Variants in PHACTR4 observed in about 807,000 individuals in gnomAD.
PHACTR4 encodes the protein phosphatase and actin regulator 4.
A neutral mutation model predicts 72.7 loss-of-function variants in PHACTR4; 51 were observed. The ratio of observed to expected loss-of-function variants is 0.70; its 90% CI spans 0.56 to 0.89. The LOEUF is 0.89. Among genes scored for constraint, PHACTR4 ranks in the 40% least tolerant of loss-of-function variants. The pLI, the probability that PHACTR4 is intolerant of heterozygous loss-of-function variation, is 0.00. For missense variants in PHACTR4, 731 were observed against 861.8 expected (o/e 0.85, Z 1.90); for synonymous variants, 255 against 302.5 (o/e 0.84, Z 1.63).
chr1:28,389,110 A>G (rs1652800926), intron 1 of PHACTR4, among the ~76,000 whole-genome samples: 1 of 151,614 alleles, frequency 6.6e-6, no homozygotes, highest in Non-Finnish European at 1.5e-5. Flanking sequence ...TGTAAACTAT[A>G]TGTATGATTA....
At chr1:28,461,416 G>C (rs1658799766) in intron 4 of PHACTR4, among the ~76,000 whole-genome samples, 1 of 152,072 alleles carries the variant, frequency 6.6e-6, no homozygotes, top group Non-Finnish European at 1.5e-5. Context: ...ACTCCAGCCT[G>C]GGCAACAGAG....
chr1:28,450,445 T>C (rs1160718518), intron 2 of PHACTR4, among the ~76,000 whole-genome samples: 1 of 152,154 alleles, frequency 6.6e-6, no homozygotes, highest in Non-Finnish European at 1.5e-5. Flanking sequence ...TTTTATAAAA[T>C]CAGATGCTGA....
chr1:28,471,244 G>A (rs1457018084), intron 6 of PHACTR4, among the ~76,000 whole-genome samples: 1 of 152,074 alleles, frequency 6.6e-6, no homozygotes, highest in Admixed American at 6.6e-5. Flanking sequence ...AGCTACTCAG[G>A]AGGCTGAGGT....
chr1:28,386,305 G>T (rs991231458), intron 1 of PHACTR4, among the ~76,000 whole-genome samples: 6 of 151,912 alleles, frequency 3.9e-5, no homozygotes, highest in African/African-American at 1.5e-4. Flanking sequence ...TGTTGGCCAG[G>T]CTGGTCTTGA....
At position 28,496,671 on chromosome 1, in the gene PHACTR4, A is replaced by AG; in HGVS notation, c.*124dup. On this transcript the variant is annotated 3_prime_UTR_variant, in exon 14 of 14. Transcript: ENST00000373839. ...GAATTGCATCCTCTGGGATCTTCTGAGGTGGACAGCACTTTGAATGTAGCA... is the reference window on the plus strand; with the variant it reads ...GAATTGCATCCTCTGGGATCTTCTGAGGGTGGACAGCACTTTGAATGTAGCA... 1 of 1,142,698 alleles carries AG rather than the reference A, an allele frequency of 8.8e-7. No individual in the cohort carries two copies. The highest frequency in any genetic ancestry group is 1.3e-6 in the Non-Finnish European group (1 of 763,128). 70.8% of individuals were successfully genotyped at this position (1,142,698 alleles called of 1,614,324 possible).
At chr1:28,442,519 T>G (rs921888782) in intron 2 of PHACTR4, among the ~76,000 whole-genome samples, 14 of 152,140 alleles carry the variant, frequency 9.2e-5, no homozygotes, top group Non-Finnish European at 1.8e-4. Context: ...TTATTTACTT[T>G]TTTTTGAGAT....
chr1:28,382,553 T>C (rs1652265692), intron 1 of PHACTR4, among the ~76,000 whole-genome samples: 4 of 152,052 alleles, frequency 2.6e-5, no homozygotes, highest in Admixed American at 2.6e-4. Context: ...TCCGCCCGCC[T>C]CAGCCTCCCA....
intron 6 of PHACTR4, among the ~76,000 whole-genome samples, chr1:28,473,130 C>T (rs900144333): frequency 2.0e-5 from 3 of 151,654 alleles, no homozygotes; most frequent in Non-Finnish European, 1.5e-5. Context: ...CAAAAATTAG[C>T]CGGGCCGTAG....
At chr1:28,398,831 A>C (rs1300127081) in intron 1 of PHACTR4, among the ~76,000 whole-genome samples, 2 of 151,178 alleles carry the variant, frequency 1.3e-5, no homozygotes, top group Non-Finnish European at 3.0e-5. Context: ...AAAAGAAAAA[A>C]AAATTTAATT....
At chr1:28,417,880 G>T (rs560203532) in intron 2 of PHACTR4, among the ~76,000 whole-genome samples, 1 of 151,574 alleles carries the variant, frequency 6.6e-6, no homozygotes, top group Non-Finnish European at 1.5e-5. Flanking sequence ...TCCTTTGGGA[G>T]GCCCATACGG....
chr1:28,439,555 G>A (rs1311431223), intron 2 of PHACTR4, among the ~76,000 whole-genome samples: 3 of 152,118 alleles, frequency 2.0e-5, no homozygotes, highest in African/African-American at 7.2e-5. Flanking sequence ...ACTTTACCTT[G>A]ATCACTAGGG....
At chr1:28,438,429 T>C (rs1557813823) in intron 2 of PHACTR4, 1 of 1,612,936 alleles carries the variant, frequency 6.2e-7, no homozygotes, top group South Asian at 1.1e-5. Context: ...CAGATGCAGT[T>C]GGTGAGTAAT....
At chr1:28,445,263 A>T (rs1657369800) in intron 2 of PHACTR4, among the ~76,000 whole-genome samples, 1 of 151,774 alleles carries the variant, frequency 6.6e-6, no homozygotes, top group Non-Finnish European at 1.5e-5. Flanking sequence ...ATATTTAATT[A>T]TTCTTTTTTA....
At chr1:28,399,501 C>T (rs150342485) in intron 1 of PHACTR4, among the ~76,000 whole-genome samples, 6 of 152,232 alleles carry the variant, frequency 3.9e-5, no homozygotes, top group East Asian at 1.9e-4. Flanking sequence ...GGCTCACATA[C>T]GTCATGGATA....
chr1:28,410,630 G>T (rs1042047195), intron 2 of PHACTR4, among the ~76,000 whole-genome samples: 18 of 152,172 alleles, frequency 1.2e-4, no homozygotes, highest in Non-Finnish European at 2.6e-4. Flanking sequence ...GGCATAAAGT[G>T]AAATGTGCTT....
At chr1:28,419,141 C>T (rs1171487493) in intron 2 of PHACTR4, among the ~76,000 whole-genome samples, 1 of 150,380 alleles carries the variant, frequency 6.6e-6, no homozygotes, top group African/African-American at 2.5e-5. Context: ...GCCCCCATGC[C>T]CAGCTAATTT....
At chr1:28,410,060 G>C (rs1212911573) in intron 2 of PHACTR4, among the ~76,000 whole-genome samples, 1 of 97,304 alleles carries the variant, frequency 1.0e-5, no homozygotes. Flanking sequence ...TCCGCCTCCC[G>C]AGTTCAAGCC....
At position 28,377,661 on chromosome 1, in the gene PHACTR4, T is replaced by C. The variant is rs1165186967; in HGVS notation, c.-39+7836T>C. Among the ~76,000 whole-genome samples the C allele has an allele frequency of 2.0e-5, 3 of 151,998 alleles. No homozygotes were observed. The South Asian group carries it at 6.2e-4, about 32-fold the overall frequency. ...CTGGCCAACATGGCAGAACCCTGTC[T>C]CTACAAAAACTACAAAAAAGTTAGC... On this transcript the variant is annotated intron_variant, in intron 1 of 13. Transcript: ENST00000373839.
chr1:28,494,818 T>G (rs529680588), intron 13 of PHACTR4, among the ~76,000 whole-genome samples: 2 of 152,226 alleles, frequency 1.3e-5, no homozygotes, highest in African/African-American at 4.8e-5. Flanking sequence ...TTGACTGTTA[T>G]GCTAGGATGT....
Sources: gnomAD v4.1 joint callset for allele counts (sites outside exome capture counted in the v4.1 genomes callset) on GRCh38, gnomAD v4.1.1 for gene constraint, MANE v1.5 for transcripts, NCBI Gene and HGNC (gene_info 2026-07-23, HGNC 2026-07-21) for gene names.